CCNJL: variants seen among roughly 807,000 people sequenced by gnomAD.
CCNJL encodes the protein cyclin-J-like protein.
In CCNJL, 33 loss-of-function variants were observed where a neutral mutation model predicts 33.4. The observed-to-expected ratio is 0.99, with a 90% CI of 0.75 to 1.32. The LOEUF (loss-of-function observed/expected upper bound fraction) is 1.32, where lower values mean the gene tolerates loss of function less well. CCNJL is among the 40% of genes most tolerant of loss of function. The pLI is 0.00. For missense variants in CCNJL, 512 were observed against 499.7 expected (o/e 1.02, Z -0.23); for synonymous variants, 227 against 220.9 (o/e 1.03, Z -0.24).
At chr5:160,262,582 C>G (rs1273612521) in intron 3 of CCNJL, among the ~76,000 whole-genome samples, 1 of 152,142 alleles carries the variant, frequency 6.6e-6, no homozygotes, top group Non-Finnish European at 1.5e-5. Context: ...TTCACAAGCC[C>G]CCGGCACACA....
At chr5:160,339,403 C>A (rs1321512154) in intron 1 of CCNJL, 2 of 395,734 alleles carry the variant, frequency 5.1e-6, no homozygotes, top group Admixed American at 2.9e-5. Context: ...CAAAACACAT[C>A]CAAACACGTT....
At chr5:160,256,777 G>A (rs1276909382) in intron 4 of CCNJL, among the ~76,000 whole-genome samples, 3 of 151,978 alleles carry the variant, frequency 2.0e-5, no homozygotes, top group East Asian at 1.9e-4. Context: ...AATTAGCCAC[G>A]CGTGGTGGTG....
chr5:160,269,771 C>T (rs979002407), intron 3 of CCNJL, among the ~76,000 whole-genome samples: 2 of 152,140 alleles, frequency 1.3e-5, no homozygotes, highest in Admixed American at 6.5e-5. Context: ...CAAGGAAGGA[C>T]GTGGTCTGGC....
intron 3 of CCNJL, among the ~76,000 whole-genome samples, chr5:160,263,353 G>A (rs965983060): frequency 1.3e-5 from 2 of 152,028 alleles, no homozygotes; most frequent in African/African-American, 4.8e-5. Context: ...TTTCTCCAGG[G>A]GTCCTAAAAA....
chr5:160,284,046 T>C (rs985334480), intron 2 of CCNJL, among the ~76,000 whole-genome samples: 5 of 152,226 alleles, frequency 3.3e-5, no homozygotes, highest in African/African-American at 1.2e-4. Flanking sequence ...GTTGCTTGAC[T>C]GCACGTTAAA....
chr5:160,251,082 G>A lies in CCNJL; in HGVS notation c.*2296C>T, dbSNP rs138667782. ...GTACTAGTCTAGATGTTGCTGTCAA[G>A]GTATTTTTAGATGTGATTAACATTT... On this transcript the variant is annotated 3_prime_UTR_variant, in exon 6 of 6. Coordinates refer to ENST00000257536, the MANE Select transcript of CCNJL (RefSeq NM_001308173.3). The A allele has an allele frequency of 1.5e-4, 23 of 152,286 alleles. No homozygotes were observed. The highest frequency in any genetic ancestry group is 5.5e-4 in the African/African-American group (23 of 41,556). 9.4% of individuals were successfully genotyped at this position (152,286 alleles called of 1,614,324 possible). A position where few individuals can be genotyped will look rare whatever the true frequency, so the allele number is the denominator to read the frequency against.
intron 3 of CCNJL, among the ~76,000 whole-genome samples, chr5:160,265,858 GAAAAAAA>G (rs200091163): frequency 4.5e-4 from 44 of 97,168 alleles, no homozygotes; most frequent in Admixed American, 1.3e-3. Flanking sequence ...GTCTCCAGGG[GAAAAAAA>G]AAAAAAAAAA....
At position 160,320,833 on chromosome 5, in the gene CCNJL, C is replaced by T. The variant is rs1265901401; in HGVS notation, n.207-5328G>A. 1.0e-3 allele frequency among the ~76,000 whole-genome samples: 119 copies of T among 119,596 alleles called. 4 individuals are homozygous for T. Among genetic ancestry groups the T allele is most frequent in the Admixed American group, 9.9e-3 (115 of 11,618 alleles). The allele number at this position is 119,596 out of a possible 152,430, so 78.5% of individuals were successfully genotyped here. On this transcript the variant is annotated intron_variant and non_coding_transcript_variant, in intron 1 of 7. Transcript: ENST00000377503. ...TCTTTCTTTCTTTCTTTCTTTCTTT[C>T]TTTCTTTCTTTCTTTCCTTCTTTCT...
At chr5:160,269,139 C>T (rs935056867) in intron 3 of CCNJL, among the ~76,000 whole-genome samples, 3 of 152,230 alleles carry the variant, frequency 2.0e-5, no homozygotes, top group Non-Finnish European at 4.4e-5. Context: ...AGGTGGCATT[C>T]GGCCAGCTGG....
At chr5:160,293,860 A>T (rs1762666583) in intron 2 of CCNJL, among the ~76,000 whole-genome samples, 1 of 152,146 alleles carries the variant, frequency 6.6e-6, no homozygotes, top group Admixed American at 6.5e-5. Context: ...ACCACTTCGT[A>T]AACAGCTCAA....
chr5:160,296,878 C>T (rs1762764229), intron 2 of CCNJL, among the ~76,000 whole-genome samples: 1 of 152,212 alleles, frequency 6.6e-6, no homozygotes, highest in Admixed American at 6.5e-5. Context: ...GGCAACTGGA[C>T]CTGTCTTTGG....
intron 1 of CCNJL, among the ~76,000 whole-genome samples, chr5:160,320,850 C>CCTTCTTTCT (rs1763439163): frequency 2.4e-3 from 131 of 55,552 alleles, no homozygotes; most frequent in Non-Finnish European, 3.2e-3. Flanking sequence ...TCTTTCTTTC[C>CCTTCTTTCT]TTCTTTCTTT....
At chr5:160,309,006 G>T (rs12653296) in intron 2 of CCNJL, among the ~76,000 whole-genome samples, 14,299 of 152,280 alleles carry the variant, frequency 0.094, 766 homozygotes, top group South Asian at 0.2. Context: ...TGTGGCTTAA[G>T]AGCAATGGCA....
At chr5:160,264,991 A>G (rs1374829030) in intron 3 of CCNJL, among the ~76,000 whole-genome samples, 2 of 152,236 alleles carry the variant, frequency 1.3e-5, no homozygotes, top group African/African-American at 4.8e-5. Flanking sequence ...GAATGTTATT[A>G]CCCAGTGCCA....
intron 3 of CCNJL, chr5:160,269,406 T>C (rs1348335244): frequency 2.2e-6 from 1 of 456,414 alleles, no homozygotes; most frequent in Non-Finnish European, 4.4e-6. Flanking sequence ...AGTTATCTCC[T>C]GTCACGAAAG....
intron 1 of CCNJL, among the ~76,000 whole-genome samples, chr5:160,328,080 G>A (rs1031161567): frequency 6.6e-6 from 1 of 152,182 alleles, no homozygotes; most frequent in Non-Finnish European, 1.5e-5. Context: ...AGAGGCTCAC[G>A]CAGGAGTGCG....
intron 2 of CCNJL, among the ~76,000 whole-genome samples, chr5:160,308,031 C>A (rs1763148420): frequency 6.6e-6 from 1 of 152,180 alleles, no homozygotes; most frequent in African/African-American, 2.4e-5. Flanking sequence ...CCTTTCCTGA[C>A]TTCAACACCA....
intron 3 of CCNJL, among the ~76,000 whole-genome samples, chr5:160,260,342 T>A (rs1396677687): frequency 6.6e-6 from 1 of 152,030 alleles, no homozygotes; most frequent in Non-Finnish European, 1.5e-5. Context: ...GGTTTCCAGG[T>A]CTTGGAAGGT....
chr5:160,288,332 A>G (rs1384764234), intron 2 of CCNJL, among the ~76,000 whole-genome samples: 1 of 152,156 alleles, frequency 6.6e-6, no homozygotes, highest in Non-Finnish European at 1.5e-5. Flanking sequence ...GAAACAAACA[A>G]AAAGACTAGA....
Sources: allele counts gnomAD v4.1 joint callset (sites outside exome capture counted in the v4.1 genomes callset), GRCh38; gene constraint gnomAD v4.1.1; transcripts MANE v1.5; gene names NCBI Gene and HGNC (gene_info 2026-07-23, HGNC 2026-07-21).